Variants in PDE4D observed in about 807,000 individuals in gnomAD.
PDE4D encodes 3',5'-cyclic-AMP phosphodiesterase 4D.
Under a neutral mutation model 87.4 loss-of-function variants are expected in PDE4D, and 24 were observed. The observed-to-expected ratio is 0.27, with a 90% confidence interval of 0.20 to 0.39. PDE4D has a LOEUF of 0.39. Ranked by LOEUF, PDE4D falls within the 10% of genes least tolerant of loss-of-function variation. PDE4D has a pLI of 1.00. For missense variants in PDE4D, 714 were observed against 1,041.0 expected, an observed-to-expected ratio of 0.69 and a Z score of 4.32; for synonymous variants, 384 against 383.2, an observed-to-expected ratio of 1.00 and a Z score of -0.02.
At chr5:60,458,765 A>T (rs1746689107) in intron 1 of PDE4D, among the ~76,000 whole-genome samples, 2 of 151,774 alleles carry the variant, frequency 1.3e-5, no homozygotes, top group South Asian at 4.2e-4. Context: ...ACCCGGACTC[A>T]TGGATACTTA....
At chr5:60,030,008 T>C (rs1767058445) in intron 2 of PDE4D, among the ~76,000 whole-genome samples, 1 of 152,296 alleles carries the variant, frequency 6.6e-6, no homozygotes, top group Non-Finnish European at 1.5e-5. Flanking sequence ...TCTTAGACCA[T>C]AAATGCAAGT....
At chr5:60,228,351 C>T (rs968455711) in intron 1 of PDE4D, among the ~76,000 whole-genome samples, 1 of 152,000 alleles carries the variant, frequency 6.6e-6, no homozygotes, top group African/African-American at 2.4e-5. Context: ...TATGCAAAGC[C>T]CTACTAATAG....
At chr5:59,406,398 C>T (rs1427531585) in intron 1 of PDE4D, among the ~76,000 whole-genome samples, 22 of 9,412 alleles carry the variant, frequency 2.3e-3, no homozygotes, top group South Asian at 6.3e-3. Flanking sequence ...CTTTCCTTCC[C>T]CCCCCCCCCC....
intron 1 of PDE4D, among the ~76,000 whole-genome samples, chr5:60,423,851 G>A (rs1443705183): frequency 1.3e-5 from 2 of 152,076 alleles, no homozygotes; most frequent in East Asian, 3.9e-4. Flanking sequence ...AATGATAAAG[G>A]TGATATCACC....
intron 2 of PDE4D, among the ~76,000 whole-genome samples, chr5:60,081,455 C>T (rs1033619346): frequency 1.3e-5 from 2 of 151,630 alleles, no homozygotes; most frequent in Admixed American, 6.6e-5. Context: ...TTGCTCTTGC[C>T]TCTCTAGCTC....
At chr5:59,811,514 C>T (rs149293047) in intron 1 of PDE4D, among the ~76,000 whole-genome samples, 1 of 152,354 alleles carries the variant, frequency 6.6e-6, no homozygotes, top group East Asian at 1.9e-4. Flanking sequence ...CCTGACCTGG[C>T]TGGTCTTCAC....
intron 1 of PDE4D, among the ~76,000 whole-genome samples, chr5:60,516,444 C>T (rs532334512): frequency 1.3e-5 from 2 of 152,312 alleles, no homozygotes; most frequent in African/African-American, 4.8e-5. Context: ...CAAGAACCAC[C>T]TTAGCAATTT....
chr5:60,006,375 GTATAATAATT>G (rs1764480508), intron 2 of PDE4D, among the ~76,000 whole-genome samples: 1 of 151,786 alleles, frequency 6.6e-6, no homozygotes, highest in African/African-American at 2.4e-5. Context: ...GTATAAAAAT[GTATAATAATT>G]TTCTCCTTTA....
intron 1 of PDE4D, among the ~76,000 whole-genome samples, chr5:60,268,975 C>T (rs764974050): frequency 6.6e-6 from 1 of 152,176 alleles, no homozygotes; most frequent in Non-Finnish European, 1.5e-5. Context: ...TATTGAGCCA[C>T]TCAGAAATAA....
chr5:59,429,699 T>C (rs1386509499), intron 1 of PDE4D, among the ~76,000 whole-genome samples: 2 of 152,062 alleles, frequency 1.3e-5, no homozygotes, highest in Non-Finnish European at 2.9e-5. Flanking sequence ...AAAACCAAAA[T>C]TGAGGGGTGA....
At chr5:59,538,385 G>C (rs1196866643) in intron 1 of PDE4D, among the ~76,000 whole-genome samples, 1 of 152,078 alleles carries the variant, frequency 6.6e-6, no homozygotes, top group South Asian at 2.1e-4. Context: ...AGCCCAAATG[G>C]AACACATAAT....
At chr5:59,947,244 G>A (rs1263079069) in intron 3 of PDE4D, among the ~76,000 whole-genome samples, 3 of 152,184 alleles carry the variant, frequency 2.0e-5, no homozygotes, top group Admixed American at 2.0e-4. Flanking sequence ...GCACTTTTGT[G>A]TAGAGAGCAC....
intron 3 of PDE4D, among the ~76,000 whole-genome samples, chr5:59,932,946 C>T (rs1756135934): frequency 7.6e-6 from 1 of 131,208 alleles, no homozygotes; most frequent in South Asian, 2.7e-4. Context: ...AGCAGCTAAC[C>T]CTTTAGAAAT....
chr5:59,309,663 C>T (rs1023499308), intron 1 of PDE4D, among the ~76,000 whole-genome samples: 5 of 152,152 alleles, frequency 3.3e-5, no homozygotes, highest in African/African-American at 1.2e-4. Context: ...GTGTGTGGGT[C>T]CTCTCAAGGT....
intron 1 of PDE4D, among the ~76,000 whole-genome samples, chr5:59,601,346 C>G (rs563964104): frequency 6.6e-6 from 1 of 151,650 alleles, no homozygotes; most frequent in African/African-American, 2.4e-5. Context: ...ATCCTCTTCC[C>G]GTGAAGGCAG....
Position 59,117,312 on chromosome 5 carries a change from A to C in PDE4D, c.808+63283T>G, listed in dbSNP as rs139328552. ...AAATTGCTTTTGTCAAAACATTGCT[A>C]TGACCATCTGTTTTTAAAAACCATT... On this transcript the variant is annotated intron_variant, in intron 5 of 14. Coordinates refer to ENST00000340635, the MANE Select transcript of PDE4D (RefSeq NM_001104631.2). Among the ~76,000 whole-genome samples the C allele has an allele frequency of 5.2e-3, 787 of 152,358 alleles. 4 individuals are homozygous for C. Among genetic ancestry groups the C allele is most frequent in the Non-Finnish European group, 8.1e-3 (552 of 68,026 alleles).
chr5:59,827,979 G>A (rs1482025709), intron 1 of PDE4D, among the ~76,000 whole-genome samples: 2 of 152,010 alleles, frequency 1.3e-5, no homozygotes, highest in East Asian at 3.9e-4. Context: ...TCACATAATT[G>A]TTTATAGAGA....
chr5:59,389,636 A>G (rs1198663831), intron 1 of PDE4D, among the ~76,000 whole-genome samples: 1 of 152,170 alleles, frequency 6.6e-6, no homozygotes. Context: ...TATTAAAAGT[A>G]CACCTGCACC....
At chr5:59,683,033 T>A (rs1226412678) in intron 1 of PDE4D, among the ~76,000 whole-genome samples, 1 of 152,246 alleles carries the variant, frequency 6.6e-6, no homozygotes, top group Non-Finnish European at 1.5e-5. Context: ...AAATTTAGAA[T>A]AAAGTCTGTA....
Sources: gnomAD v4.1 joint callset for allele counts (sites outside exome capture counted in the v4.1 genomes callset) on GRCh38, gnomAD v4.1.1 for gene constraint, MANE v1.5 for transcripts, NCBI Gene and HGNC (gene_info 2026-07-23, HGNC 2026-07-21) for gene names.